Variants in NPAS3 observed in about 807,000 individuals in gnomAD.
The protein encoded by NPAS3 is neuronal PAS domain protein 3, also known as neuronal PAS domain-containing protein 3.
Under a neutral mutation model 73.1 loss-of-function variants are expected in NPAS3, and 14 were observed. The observed-to-expected ratio is 0.19, with a 90% CI of 0.13 to 0.30. The LOEUF is 0.30. NPAS3 is among the 10% of genes least tolerant of loss of function. The pLI is 1.00. For synonymous variants in NPAS3, 620 were observed against 541.5 expected (o/e 1.14, Z -2.01); for missense variants, 1,096 against 1,250.0 (o/e 0.88, Z 1.86).
chr14:33,618,639 G>A (rs139240460), intron 5 of NPAS3, among the ~76,000 whole-genome samples: 2,162 of 152,248 alleles, frequency 0.014, 16 homozygotes, highest in Middle Eastern at 0.034. Flanking sequence ...GGTTGGTACC[G>A]GTCTATGGCC....
chr14:33,383,298 G>C (rs1315809), intron 4 of NPAS3, among the ~76,000 whole-genome samples: 1 of 151,994 alleles, frequency 6.6e-6, no homozygotes, highest in Non-Finnish European at 1.5e-5. Context: ...TGCCTTTGTA[G>C]AATTGACTTA....
intron 2 of NPAS3, among the ~76,000 whole-genome samples, chr14:33,138,412 A>G (rs2139157064): frequency 6.6e-6 from 1 of 152,334 alleles, no homozygotes; most frequent in East Asian, 1.9e-4. Flanking sequence ...ATATAAAGCT[A>G]TAAGCTAAGC....
chr14:33,296,714 A>T (rs114413016), intron 3 of NPAS3, among the ~76,000 whole-genome samples: 1,793 of 152,312 alleles, frequency 0.012, 36 homozygotes, highest in African/African-American at 0.041. Context: ...TTTCGACTCC[A>T]TTTTTCTTGG....
intron 3 of NPAS3, among the ~76,000 whole-genome samples, chr14:33,276,747 T>C (rs2041354067): frequency 1.3e-5 from 2 of 152,134 alleles, no homozygotes; most frequent in Admixed American, 6.6e-5. Context: ...TATAAATTAT[T>C]ATAAATAGAA....
intron 2 of NPAS3, among the ~76,000 whole-genome samples, chr14:33,085,502 G>A (rs1029628293): frequency 1.3e-5 from 2 of 152,120 alleles, no homozygotes; most frequent in East Asian, 3.9e-4. Context: ...AATTTACATG[G>A]GAAAAATCTA....
chr14:33,412,159 C>G (rs749947058), intron 4 of NPAS3, among the ~76,000 whole-genome samples: 3 of 152,020 alleles, frequency 2.0e-5, no homozygotes, highest in Non-Finnish European at 4.4e-5. Flanking sequence ...CACTCTGTCC[C>G]CCAGGCTGGA....
At chr14:33,319,087 G>A (rs1262151995) in intron 3 of NPAS3, among the ~76,000 whole-genome samples, 1 of 152,098 alleles carries the variant, frequency 6.6e-6, no homozygotes, top group Non-Finnish European at 1.5e-5. Context: ...GGCTGGGCTT[G>A]TCAGTTGAGT....
At chr14:33,115,309 G>A (rs1324075489) in intron 2 of NPAS3, among the ~76,000 whole-genome samples, 3 of 152,140 alleles carry the variant, frequency 2.0e-5, no homozygotes, top group Non-Finnish European at 2.9e-5. Context: ...AGGAAGTAAG[G>A]ATTAGGAAGG....
chr14:33,498,611 T>A (rs947779656), intron 4 of NPAS3, among the ~76,000 whole-genome samples: 3 of 151,980 alleles, frequency 2.0e-5, no homozygotes, highest in African/African-American at 7.3e-5. Flanking sequence ...AAACACCGCA[T>A]GTTCTCACTC....
At chr14:33,529,551 G>A (rs962301936) in intron 4 of NPAS3, among the ~76,000 whole-genome samples, 4 of 152,040 alleles carry the variant, frequency 2.6e-5, no homozygotes, top group Admixed American at 1.3e-4. Flanking sequence ...TATTTGTAGT[G>A]GTGACATTAT....
chr14:33,022,229 G>C (rs924080495), intron 1 of NPAS3, among the ~76,000 whole-genome samples: 1 of 152,194 alleles, frequency 6.6e-6, no homozygotes, highest in Admixed American at 6.5e-5. Context: ...GAGATTACGA[G>C]TCAATATGAA....
intron 2 of NPAS3, among the ~76,000 whole-genome samples, chr14:33,196,122 T>C (rs1338516194): frequency 6.6e-6 from 1 of 152,038 alleles, no homozygotes; most frequent in African/African-American, 2.4e-5. Context: ...TCCCATGACT[T>C]GTAGATCGTA....
intron 2 of NPAS3, among the ~76,000 whole-genome samples, chr14:33,113,784 G>A (rs956769671): frequency 7.2e-5 from 11 of 152,158 alleles, no homozygotes; most frequent in Non-Finnish European, 1.3e-4. Flanking sequence ...TGCCCATTCA[G>A]TGTGATATTG....
At chr14:33,620,915 A>G (rs2058059157) in intron 5 of NPAS3, among the ~76,000 whole-genome samples, 1 of 152,174 alleles carries the variant, frequency 6.6e-6, no homozygotes, top group African/African-American at 2.4e-5. Context: ...ACCTAAAGCT[A>G]ACGTGTGGTT....
intron 4 of NPAS3, among the ~76,000 whole-genome samples, chr14:33,496,258 C>T (rs2052182161): frequency 6.6e-6 from 1 of 152,158 alleles, no homozygotes; most frequent in African/African-American, 2.4e-5. Context: ...CAGCCAAATT[C>T]TACCAGAGGT....
downstream of NPAS3, chr14:33,802,523 T>C (rs1030776081): frequency 1.8e-4 from 27 of 152,210 alleles, no homozygotes; most frequent in African/African-American, 6.0e-4. Flanking sequence ...GGCAGCTGTT[T>C]GTTAAGGCAT....
chr14:32,941,302 TCCC>T (rs2036000336), intron 1 of NPAS3, among the ~76,000 whole-genome samples: 1 of 68,922 alleles, frequency 1.5e-5, no homozygotes, highest in Non-Finnish European at 2.8e-5. Context: ...CCTCCCTCCC[TCCC>T]TCCCTCCTTC....
At chr14:33,798,327 C>T (rs191596089) in intron 11 of NPAS3, among the ~76,000 whole-genome samples, 1 of 152,306 alleles carries the variant, frequency 6.6e-6, no homozygotes, top group East Asian at 1.9e-4. Context: ...ATCCCCAGCC[C>T]TCTTCCAGAG....
At chr14:33,535,892 A>G (rs933112622) in intron 4 of NPAS3, among the ~76,000 whole-genome samples, 1 of 152,114 alleles carries the variant, frequency 6.6e-6, no homozygotes, top group Admixed American at 6.6e-5. Context: ...ATTTAAACTG[A>G]CCCAGCCACG....
Sources: allele counts gnomAD v4.1 joint callset (sites outside exome capture counted in the v4.1 genomes callset), GRCh38; gene constraint gnomAD v4.1.1; transcripts MANE v1.5; gene names NCBI Gene and HGNC (gene_info 2026-07-23, HGNC 2026-07-21).